Variants in CKAP5 observed in about 807,000 individuals in gnomAD.
CKAP5 encodes the protein cytoskeleton associated protein 5.
CKAP5 carries 27 observed loss-of-function variants against 232.8 expected under a neutral mutation model. The ratio of observed to expected loss-of-function variants is 0.12; its 90% CI spans 0.09 to 0.16. The LOEUF (loss-of-function observed/expected upper bound fraction) is 0.16, where lower values mean the gene tolerates loss of function less well. CKAP5 is among the 10% of genes least tolerant of loss of function. The pLI, the probability that CKAP5 is intolerant of heterozygous loss-of-function variation, is 1.00. For missense variants in CKAP5, 1,838 were observed against 2,424.7 expected (o/e 0.76, Z 5.08); for synonymous variants, 785 against 841.1 (o/e 0.93, Z 1.16).
chr11:46,808,228 G>A, intron 7 of CKAP5, 84 bp from the exon 8 acceptor site: 1 of 912,888 alleles, frequency 1.1e-6, no homozygotes, highest in South Asian at 1.6e-5. Flanking sequence ...CTAATTCAAA[G>A]ATACATAATT....
intron 1 of CKAP5, among the ~76,000 whole-genome samples, chr11:46,845,742 T>A (rs1940172807): frequency 6.6e-6 from 1 of 152,216 alleles, no homozygotes; most frequent in Non-Finnish European, 1.5e-5. Context: ...GGGACACAGG[T>A]GTGCGGCCAG....
intron 27 of CKAP5, among the ~76,000 whole-genome samples, chr11:46,767,351 C>T (rs961955639): frequency 3.9e-5 from 6 of 152,074 alleles, no homozygotes; most frequent in East Asian, 1.9e-4. Flanking sequence ...AATCTTTCCC[C>T]GAAAATCTAC....
At chr11:46,795,315 G>C (rs1345349717) in intron 13 of CKAP5, among the ~76,000 whole-genome samples, 1 of 149,510 alleles carries the variant, frequency 6.7e-6, no homozygotes, top group Non-Finnish European at 1.5e-5. Context: ...GCAACAGAGC[G>C]AGACTCCATC....
At chr11:46,771,268 T>C (rs898306777) in intron 24 of CKAP5, among the ~76,000 whole-genome samples, 3 of 152,216 alleles carry the variant, frequency 2.0e-5, no homozygotes, top group African/African-American at 7.2e-5. Context: ...CTTTTACTTA[T>C]CTCCCTTTAG....
chr11:46,775,533 T>A (rs2065283204), intron 24 of CKAP5, among the ~76,000 whole-genome samples: 1 of 152,242 alleles, frequency 6.6e-6, no homozygotes, highest in Non-Finnish European at 1.5e-5. Context: ...GTATGTTTAT[T>A]GCAGCACTAT....
chr11:46,845,209 C>A (rs1198672434), intron 1 of CKAP5, among the ~76,000 whole-genome samples: 3 of 152,146 alleles, frequency 2.0e-5, no homozygotes, highest in African/African-American at 7.2e-5. Flanking sequence ...GAGGAGCTCA[C>A]CTTTCTAAAA....
At chr11:46,783,116 TAG>T in intron 18 of CKAP5, 156 bp downstream of exon 18, 1 of 470,138 alleles carries the variant, frequency 2.1e-6, no homozygotes, top group East Asian at 3.5e-5. Flanking sequence ...CAAGCCAATA[TAG>T]ACCTTTGAGA....
At chr11:46,833,727 T>G (rs1216099158) in intron 1 of CKAP5, among the ~76,000 whole-genome samples, 1 of 151,664 alleles carries the variant, frequency 6.6e-6, no homozygotes, top group Non-Finnish European at 1.5e-5. Flanking sequence ...TCCGCCCGCC[T>G]CGTCCTCCCA....
At chr11:46,808,767 C>A (rs546871522) in intron 7 of CKAP5, among the ~76,000 whole-genome samples, 1 of 152,262 alleles carries the variant, frequency 6.6e-6, no homozygotes, top group East Asian at 1.9e-4. Context: ...TTCTAGCCCA[C>A]CCATCTCACA....
intron 13 of CKAP5, 91 bp downstream of exon 13, chr11:46,795,503 T>A: frequency 1.9e-6 from 2 of 1,052,502 alleles, no homozygotes; most frequent in Non-Finnish European, 2.7e-6. Context: ...AATGAATTCA[T>A]TTCTCAAACA....
At chr11:46,777,365 G>T in intron 23 of CKAP5, 74 bp downstream of exon 23, 1 of 862,604 alleles carries the variant, frequency 1.2e-6, no homozygotes, top group African/African-American at 1.7e-5. Flanking sequence ...ACTCTAAAAA[G>T]AGAATTATCT....
chr11:46,783,535 T>C (rs758004279), intron 17 of CKAP5, among the ~76,000 whole-genome samples, 167 bp from the exon 18 acceptor site: 2 of 151,834 alleles, frequency 1.3e-5, no homozygotes, highest in African/African-American at 2.4e-5. Context: ...GGTGAAATGA[T>C]AGTAGGACTA....
At chr11:46,749,848 GGCTGA>G (rs1366812728) in intron 42 of CKAP5, among the ~76,000 whole-genome samples, 1 of 151,768 alleles carries the variant, frequency 6.6e-6, no homozygotes, top group Non-Finnish European at 1.5e-5. Context: ...CTACTCGGGA[GGCTGA>G]GGCAGGAGAA....
chr11:46,825,754 A>T (rs1423318143), intron 1 of CKAP5, among the ~76,000 whole-genome samples: 1 of 114,662 alleles, frequency 8.7e-6, no homozygotes, highest in African/African-American at 3.4e-5. Flanking sequence ...ATAGGCTCAT[A>T]AAAAAAAAAA....
At chr11:46,840,219 G>A (rs922058772) in intron 1 of CKAP5, among the ~76,000 whole-genome samples, 3 of 152,156 alleles carry the variant, frequency 2.0e-5, no homozygotes, top group African/African-American at 7.2e-5. Context: ...ATCTGGGCAT[G>A]TATTTTATTC....
At chr11:46,758,875 C>A in intron 35 of CKAP5, 48 bp downstream of exon 35, 1 of 1,605,268 alleles carries the variant, frequency 6.2e-7, no homozygotes, top group Non-Finnish European at 8.5e-7. Flanking sequence ...ACATTTATAG[C>A]CTCTATGTCC....
chr11:46,817,878 T>C (rs1939440545), intron 3 of CKAP5, among the ~76,000 whole-genome samples: 1 of 152,212 alleles, frequency 6.6e-6, no homozygotes, highest in African/African-American at 2.4e-5. Context: ...GAGAAAGACA[T>C]GATTCTAACA....
Position 46,767,698 on chromosome 11 carries a change from T to G in CKAP5, c.3323-35A>C, listed in dbSNP as rs566000198. 7.5e-5 allele frequency: 96 copies of G among 1,282,134 alleles called. 1 individual carries two copies. The Admixed American group carries it at 1.7e-3, about 23-fold the overall frequency. The allele number at this position is 1,282,134 out of a possible 1,614,324, so 79.4% of individuals were successfully genotyped here. A position where few individuals can be genotyped will look rare whatever the true frequency, so the allele number is the denominator to read the frequency against. Reference sequence around the variant, plus strand: ...AAAAAATATATATATACTATAAACTTTAACTAATATCATTTTATTTTGGAC... The same window carrying G: ...AAAAAATATATATATACTATAAACTGTAACTAATATCATTTTATTTTGGAC... On this transcript the variant is annotated intron_variant, in intron 26 of 43. Transcript: ENST00000529230.
At chr11:46,838,830 C>T in intron 1 of CKAP5, among the ~76,000 whole-genome samples, 1 of 146,936 alleles carries the variant, frequency 6.8e-6, no homozygotes, top group East Asian at 2.0e-4. Context: ...ATTGCTGAGC[C>T]ACCATTGTCG....
Sources: gnomAD v4.1 joint callset for allele counts (sites outside exome capture counted in the v4.1 genomes callset) on GRCh38, gnomAD v4.1.1 for gene constraint, MANE v1.5 for transcripts, NCBI Gene and HGNC (gene_info 2026-07-23, HGNC 2026-07-21) for gene names.